ANKRD28: variants seen among roughly 807,000 people sequenced by gnomAD.
The protein encoded by ANKRD28 is ankyrin repeat domain 28, also known as serine/threonine-protein phosphatase 6 regulatory ankyrin repeat subunit A.
ANKRD28 carries 44 observed loss-of-function variants against 126.5 expected under a neutral mutation model. The observed-to-expected ratio is 0.35, with a 90% CI of 0.27 to 0.45. The LOEUF (loss-of-function observed/expected upper bound fraction) is 0.45. Among genes scored for constraint, ANKRD28 ranks in the 20% least tolerant of loss-of-function variants. The pLI is 1.00. For missense variants in ANKRD28, 1,110 were observed against 1,316.6 expected, an observed-to-expected ratio of 0.84 and a Z score of 2.43; for synonymous variants, 442 against 468.5, an observed-to-expected ratio of 0.94 and a Z score of 0.73.
chr3:15,678,246 A>G lies in ANKRD28; in HGVS notation c.2670T>C (p.Leu890=). ...NSVDSTGKTP[L]MMAAENGQTN... is the part of the protein sequence containing the mutation. ...TTTGTCCATTTTCTGCAGCCATCAT[A>G]AGAGGTGTTTTCCCTGTAGAGTCCA... is the stretch of plus-strand genomic sequence containing the variant. Residue 890 remains leucine, a synonymous_variant, in exon 24 of 28, where the codon CTT becomes CTC. Coordinates refer to ENST00000683139, the MANE Select transcript of ANKRD28 (RefSeq NM_001349278.2). The G allele has an allele frequency of 6.2e-7, 1 of 1,612,530 alleles. No homozygotes were observed. Among genetic ancestry groups the G allele is most frequent in the East Asian group, 2.2e-5 (1 of 44,834 alleles).
intron 18 of ANKRD28, chr3:15,689,760 G>C: frequency 6.2e-6 from 2 of 320,666 alleles, no homozygotes. Context: ...TTTGTGCTTG[G>C]TTTACTTGGG....
intron 2 of ANKRD28, among the ~76,000 whole-genome samples, chr3:15,772,907 T>C (rs181642334): frequency 7.8e-4 from 118 of 152,154 alleles, no homozygotes; most frequent in African/African-American, 2.7e-3. Context: ...CTTAATCCGA[T>C]AAAGGGTACA....
chr3:15,808,332 G>A (rs975147840), intron 1 of ANKRD28, among the ~76,000 whole-genome samples: 5 of 152,038 alleles, frequency 3.3e-5, no homozygotes, highest in Admixed American at 2.0e-4. Context: ...GTTTCACATC[G>A]ATCTTCCCAC....
chr3:15,731,882 G>A (rs1460141493), intron 6 of ANKRD28: 1 of 135,702 alleles, frequency 7.4e-6, no homozygotes, highest in African/African-American at 3.0e-5. Flanking sequence ...AAAGGGGGGG[G>A]GGGTGTGTGG....
intron 3 of ANKRD28, among the ~76,000 whole-genome samples, chr3:15,763,047 A>C (rs374151677): frequency 1.3e-5 from 2 of 152,004 alleles, no homozygotes; most frequent in East Asian, 3.8e-4. Context: ...TTATTTCTTT[A>C]TTTTTTTTGT....
At chr3:15,828,359 T>C (rs2061115473) in intron 1 of ANKRD28, among the ~76,000 whole-genome samples, 1 of 152,092 alleles carries the variant, frequency 6.6e-6, no homozygotes, top group African/African-American at 2.4e-5. Context: ...CACAGCACTT[T>C]GGGAGGTGGG....
In ANKRD28 at chr3:15,735,406, A is replaced by C. The variant is rs1426580220; in HGVS notation, c.640+4T>G. The C allele has an allele frequency of 6.5e-7, 1 of 1,546,946 alleles. No individual in the cohort carries two copies. Among genetic ancestry groups the C allele is most frequent in the Non-Finnish European group, 8.7e-7 (1 of 1,144,022 alleles). ...ATCAAAAACTAAATTTAAAAAGTAC[A>C]TACCCATATATGCTGCCCAATGGAT... is the stretch of plus-strand genomic sequence containing the variant. On this transcript the variant is annotated splice_donor_region_variant and intron_variant, in intron 6 of 27. Transcript: ENST00000683139.
At position 15,856,189 on chromosome 3, in the gene ANKRD28, CA is replaced by C. The variant is rs57558163; in HGVS notation, c.27+3187del. On this transcript the variant is annotated intron_variant, in intron 1 of 27. Coordinates refer to the ANKRD28 transcript ENST00000399451. ...TCTAGCAATCTGGATTTCTGGCTTC[CA>C]AAAAAAAAATGGAGTTCTAAAAATG... Among the ~76,000 whole-genome samples, 11 of 147,688 alleles carry C rather than the reference CA, an allele frequency of 7.4e-5. No individual in the cohort carries two copies. The South Asian group carries it at 1.1e-3, about 14-fold the overall frequency.
At chr3:15,673,702 G>A (rs940304310) in intron 27 of ANKRD28, among the ~76,000 whole-genome samples, 11 of 152,266 alleles carry the variant, frequency 7.2e-5, no homozygotes, top group African/African-American at 1.7e-4. Flanking sequence ...AACAGGTGAC[G>A]AATTTAGTCA....
At chr3:15,806,458 C>T (rs962445556) in intron 1 of ANKRD28, among the ~76,000 whole-genome samples, 8 of 152,026 alleles carry the variant, frequency 5.3e-5, no homozygotes, top group Admixed American at 6.5e-5. Flanking sequence ...TAAAATTAGA[C>T]GCTCATCATT....
intron 1 of ANKRD28, among the ~76,000 whole-genome samples, chr3:15,832,389 G>A (rs146715186): frequency 2.2e-3 from 340 of 152,184 alleles, no homozygotes; most frequent in African/African-American, 7.9e-3. Flanking sequence ...CCTACTCTTT[G>A]GGAATCTTTA....
intron 3 of ANKRD28, among the ~76,000 whole-genome samples, chr3:15,760,746 G>C (rs2058416211): frequency 6.6e-6 from 1 of 152,132 alleles, no homozygotes; most frequent in Non-Finnish European, 1.5e-5. Context: ...AACTATTAAA[G>C]ATAAAAACCT....
chr3:15,750,164 A>AG (rs2057771329), intron 4 of ANKRD28, among the ~76,000 whole-genome samples: 1 of 152,048 alleles, frequency 6.6e-6, no homozygotes, highest in Non-Finnish European at 1.5e-5. Context: ...AAATATATAA[A>AG]TTGTACCTTC....
intron 6 of ANKRD28, 79 bp downstream of exon 6, chr3:15,735,331 C>T: frequency 3.4e-6 from 4 of 1,186,548 alleles, no homozygotes; most frequent in Admixed American, 2.3e-5. Flanking sequence ...AAGACAAATG[C>T]TATACAAACA....
Position 15,797,274 on chromosome 3 carries a change from A to G in ANKRD28, c.-753T>C. On this transcript the variant is annotated 5_prime_UTR_variant, in exon 1 of 28. Transcript: ENST00000683139. ...AGTACGTTTACATGTGATGAGTCAG[A>G]CCACAAGAGACAATACGACTCTTGG... is the stretch of plus-strand genomic sequence containing the variant. 7.1e-6 allele frequency: 7 copies of G among 985,232 alleles called. No individual in the cohort carries two copies. The highest frequency in any genetic ancestry group is 8.4e-6 in the Non-Finnish European group (7 of 829,902). The allele number at this position is 985,232 out of a possible 1,614,324, so 61.0% of individuals were successfully genotyped here.
chr3:15,813,926 A>C (rs780437713), intron 1 of ANKRD28, among the ~76,000 whole-genome samples: 31 of 152,214 alleles, frequency 2.0e-4, no homozygotes, highest in Non-Finnish European at 4.1e-4. Flanking sequence ...GAACAAAATA[A>C]ATAAAACTAG....
At chr3:15,735,524 T>C in intron 5 of ANKRD28, 27 bp from the exon 6 acceptor site, 1 of 1,496,764 alleles carries the variant, frequency 6.7e-7, no homozygotes, top group Non-Finnish European at 9.1e-7. Flanking sequence ...CACAGTGTCA[T>C]CAAAATTGTG....
At chr3:15,700,783 G>C (rs2070465194) in intron 14 of ANKRD28, among the ~76,000 whole-genome samples, 1 of 151,804 alleles carries the variant, frequency 6.6e-6, no homozygotes. Flanking sequence ...AAACACAACA[G>C]TATATAGGCC....
At chr3:15,764,070 C>T (rs1181749247) in intron 3 of ANKRD28, among the ~76,000 whole-genome samples, 1 of 151,772 alleles carries the variant, frequency 6.6e-6, no homozygotes, top group African/African-American at 2.4e-5. Context: ...ACTAAAAATA[C>T]AAAAATTAGC....
Sources: allele counts gnomAD v4.1 joint callset (sites outside exome capture counted in the v4.1 genomes callset), GRCh38; gene constraint gnomAD v4.1.1; transcripts MANE v1.5; gene names NCBI Gene and HGNC (gene_info 2026-07-23, HGNC 2026-07-21).